NUP210L: variants seen among roughly 807,000 people sequenced by gnomAD.
NUP210L encodes the protein nucleoporin 210 like, also known as nuclear pore membrane glycoprotein 210-like.
A neutral mutation model predicts 208.5 loss-of-function variants in NUP210L; 74 were observed. That is an observed-to-expected ratio of 0.35 (90% CI 0.29 to 0.43). The LOEUF (loss-of-function observed/expected upper bound fraction) is 0.43. Among genes scored for constraint, NUP210L ranks in the 20% least tolerant of loss-of-function variants. NUP210L has a pLI of 1.00. For synonymous variants in NUP210L, 780 were observed against 816.9 expected, an observed-to-expected ratio of 0.95 and a Z score of 0.77; for missense variants, 1,843 against 2,289.4, an observed-to-expected ratio of 0.81 and a Z score of 3.98.
At chr1:154,051,682 C>G (rs1023276211) in intron 25 of NUP210L, among the ~76,000 whole-genome samples, 4 of 152,226 alleles carry the variant, frequency 2.6e-5, no homozygotes, top group Non-Finnish European at 5.9e-5. Context: ...AACTAATTCT[C>G]TTTGGAAAAT....
chr1:154,146,845 A>G (rs1659142811), intron 2 of NUP210L, among the ~76,000 whole-genome samples: 1 of 152,030 alleles, frequency 6.6e-6, no homozygotes, highest in African/African-American at 2.4e-5. Flanking sequence ...TTTTTTAAAA[A>G]CAGGGTCTCA....
intron 7 of NUP210L, among the ~76,000 whole-genome samples, chr1:154,132,399 A>G (rs1658305179): frequency 6.6e-6 from 1 of 152,142 alleles, no homozygotes. Context: ...CTGCTTGGAT[A>G]TCTATCCCAC....
chr1:154,017,119 A>G (rs569669539), intron 33 of NUP210L, among the ~76,000 whole-genome samples: 2 of 152,184 alleles, frequency 1.3e-5, no homozygotes, highest in Non-Finnish European at 2.9e-5. Flanking sequence ...TGTCTCTACT[A>G]AAAATACAAA....
chr1:154,033,084 A>G (rs531231343), intron 27 of NUP210L, among the ~76,000 whole-genome samples: 1 of 152,308 alleles, frequency 6.6e-6, no homozygotes, highest in African/African-American at 2.4e-5. Context: ...TGCCCATTTT[A>G]AAATCTGATT....
At chr1:154,100,515 G>GT (rs59904207) in intron 13 of NUP210L, among the ~76,000 whole-genome samples, 23 of 53,278 alleles carry the variant, frequency 4.3e-4, no homozygotes, top group African/African-American at 8.3e-4. Context: ...TTTTGGCTTT[G>GT]TTTTTTTTTT....
At chr1:154,037,870 G>C (rs540395825) in intron 27 of NUP210L, among the ~76,000 whole-genome samples, 2 of 151,916 alleles carry the variant, frequency 1.3e-5, no homozygotes, top group African/African-American at 4.8e-5. Context: ...CACCCAACTC[G>C]GCCTTCCCAA....
chr1:154,143,373 T>C, intron 3 of NUP210L, 73 bp downstream of exon 3: 1 of 1,418,476 alleles, frequency 7.0e-7, no homozygotes, highest in Non-Finnish European at 9.6e-7. Context: ...CAAGTTTTTG[T>C]TTCCAAGTGC....
rs1372296255 is a variant in NUP210L at position 154,141,265 on chromosome 1, T to C, written c.566+166A>G. ...GATCATAAAGGTACCTACATCTATG[T>C]CATATTTCATTCTATCAAAGACATT... On this transcript the variant is annotated intron_variant, in intron 4 of 39. Coordinates refer to ENST00000368559, the Ensembl canonical transcript of NUP210L. 2.0e-5 allele frequency among the ~76,000 whole-genome samples: 3 copies of C among 152,332 alleles called. No homozygotes were observed. In the East Asian group the frequency reaches 5.8e-4, roughly 29 times the overall value.
chr1:154,136,249 C>A (rs1469066192), intron 6 of NUP210L, among the ~76,000 whole-genome samples: 1 of 151,998 alleles, frequency 6.6e-6, no homozygotes, highest in East Asian at 1.9e-4. Context: ...GTTAGGAGTT[C>A]GAGACCAGCC....
At chr1:154,074,926 C>G (rs1654957967) in intron 16 of NUP210L, among the ~76,000 whole-genome samples, 2 of 152,132 alleles carry the variant, frequency 1.3e-5, no homozygotes, top group South Asian at 4.1e-4. Context: ...ACATTGTACT[C>G]AATAGGTAAT....
chr1:154,103,925 G>T (rs1656613779), intron 13 of NUP210L, 87 bp downstream of exon 13: 3 of 1,035,782 alleles, frequency 2.9e-6, no homozygotes, highest in African/African-American at 1.6e-5. Flanking sequence ...CTTCCTTAAA[G>T]ACAAAGAAAG....
intron 2 of NUP210L, among the ~76,000 whole-genome samples, chr1:154,146,618 C>T (rs1176993952): frequency 2.1e-5 from 2 of 95,720 alleles, no homozygotes; most frequent in Non-Finnish European, 4.0e-5. Flanking sequence ...CCCATCCCCC[C>T]TCCCCCCCCC....
intron 16 of NUP210L, among the ~76,000 whole-genome samples, chr1:154,087,336 A>G (rs1029375269): frequency 6.6e-6 from 1 of 151,900 alleles, no homozygotes; most frequent in South Asian, 2.1e-4. Context: ...AAAAAAAAAA[A>G]AAAGGGGCAA....
At chr1:154,042,655 C>T (rs1266308568) in intron 27 of NUP210L, among the ~76,000 whole-genome samples, 3 of 149,596 alleles carry the variant, frequency 2.0e-5, no homozygotes, top group South Asian at 2.1e-4. Context: ...GTCTTGATCT[C>T]CTGACCTCCT....
intron 37 of NUP210L, among the ~76,000 whole-genome samples, chr1:154,000,419 A>C (rs1170151534): frequency 2.0e-5 from 3 of 152,158 alleles, no homozygotes; most frequent in African/African-American, 7.2e-5. Flanking sequence ...TTTTCACTTA[A>C]AGGAAGCACT....
At chr1:154,111,064 AAG>A (rs1457269360) in intron 12 of NUP210L, among the ~76,000 whole-genome samples, 2 of 150,616 alleles carry the variant, frequency 1.3e-5, no homozygotes, top group African/African-American at 2.5e-5. Context: ...AAAAAAAAAA[AAG>A]AGAGAGAGAG....
chr1:154,056,837 G>T (rs1419714295), exon 23 of NUP210L: 1 of 1,590,966 alleles, frequency 6.3e-7, no homozygotes, highest in African/African-American at 1.4e-5. Flanking sequence ...AGGAGTTGAT[G>T]TGTATTTTCT....
intron 16 of NUP210L, among the ~76,000 whole-genome samples, chr1:154,086,900 C>A (rs2790690): frequency 0.56 from 84,477 of 151,818 alleles, 24,568 homozygotes; most frequent in East Asian, 0.89. Context: ...TGTATGTAGA[C>A]TATATGAAAT....
intron 33 of NUP210L, among the ~76,000 whole-genome samples, chr1:154,013,291 A>T (rs1651051651): frequency 6.6e-6 from 1 of 151,660 alleles, no homozygotes; most frequent in East Asian, 2.0e-4. Flanking sequence ...AATGCCTTTG[A>T]GGCCAGGTGC....
Sources: gnomAD v4.1 joint callset for allele counts (sites outside exome capture counted in the v4.1 genomes callset) on GRCh38, gnomAD v4.1.1 for gene constraint, MANE v1.5 for transcripts, NCBI Gene and HGNC (gene_info 2026-07-23, HGNC 2026-07-21) for gene names.